Variants in RGS7 observed in about 807,000 individuals in gnomAD.
RGS7 encodes regulator of G-protein signaling 7.
RGS7 carries 27 observed loss-of-function variants against 81.1 expected under a neutral mutation model. The observed-to-expected ratio is 0.33, with a 90% CI of 0.25 to 0.46. The LOEUF is 0.46. Ranked by LOEUF, RGS7 falls within the 20% of genes least tolerant of loss-of-function variation. The probability of loss-of-function intolerance (pLI) is 1.00; values close to 1 mark genes in which losing one functional copy is unlikely to be tolerated. For synonymous variants in RGS7, 208 were observed against 207.7 expected (o/e 1.00, Z -0.01); for missense variants, 396 against 607.4 (o/e 0.65, Z 3.66).
intron 2 of RGS7, among the ~76,000 whole-genome samples, chr1:241,108,503 C>G (rs376331622): frequency 6.6e-6 from 1 of 152,088 alleles, no homozygotes; most frequent in Non-Finnish European, 1.5e-5. Context: ...GTAGAAAATA[C>G]CAACGATGCT....
chr1:240,977,091 T>TACACAC (rs60732630), intron 4 of RGS7, among the ~76,000 whole-genome samples: 1,433 of 133,788 alleles, frequency 0.011, 16 homozygotes, highest in African/African-American at 0.026. Context: ...TATCCATCTG[T>TACACAC]ACACACACAC....
At chr1:240,860,899 A>G (rs537226679) in intron 9 of RGS7, among the ~76,000 whole-genome samples, 1 of 152,306 alleles carries the variant, frequency 6.6e-6, no homozygotes, top group East Asian at 1.9e-4. Context: ...CATCACACTC[A>G]GCATGCCCTA....
chr1:241,275,224 C>T (rs2078129786), intron 2 of RGS7, among the ~76,000 whole-genome samples: 1 of 152,132 alleles, frequency 6.6e-6, no homozygotes, highest in Non-Finnish European at 1.5e-5. Flanking sequence ...GCCACAGCCA[C>T]ATATTAATAG....
At chr1:241,135,445 C>CAA (rs1420770573) in intron 2 of RGS7, among the ~76,000 whole-genome samples, 1 of 151,956 alleles carries the variant, frequency 6.6e-6, no homozygotes, top group South Asian at 2.1e-4. Flanking sequence ...CAACAAAAAA[C>CAA]AAAAAAAGCA....
intron 18 of RGS7, among the ~76,000 whole-genome samples, chr1:240,787,894 T>A (rs1424660566): frequency 6.6e-6 from 1 of 152,218 alleles, no homozygotes; most frequent in African/African-American, 2.4e-5. Flanking sequence ...TGACATTACA[T>A]GTTGCTCTGG....
intron 2 of RGS7, among the ~76,000 whole-genome samples, chr1:241,241,328 T>A (rs2076248567): frequency 6.6e-6 from 1 of 151,884 alleles, no homozygotes; most frequent in African/African-American, 2.4e-5. Flanking sequence ...GTAATTGTGG[T>A]TTTTGCAATG....
chr1:241,011,294 C>T (rs552466987), intron 3 of RGS7, among the ~76,000 whole-genome samples: 19 of 151,926 alleles, frequency 1.3e-4, no homozygotes, highest in African/African-American at 3.9e-4. Flanking sequence ...GAAGGACATA[C>T]GTGCCCCTTC....
At chr1:240,876,294 C>A (rs1452224347) in intron 6 of RGS7, among the ~76,000 whole-genome samples, 1 of 152,134 alleles carries the variant, frequency 6.6e-6, no homozygotes, top group East Asian at 1.9e-4. Flanking sequence ...GGCGCGGTCA[C>A]CCCTGGCTCC....
intron 9 of RGS7, among the ~76,000 whole-genome samples, chr1:240,849,681 C>T (rs1442697215): frequency 6.6e-6 from 1 of 152,090 alleles, no homozygotes; most frequent in Non-Finnish European, 1.5e-5. Context: ...TGCCTCCCCT[C>T]CTCTCTCTTG....
chr1:241,188,932 G>C (rs1361882210), intron 2 of RGS7, among the ~76,000 whole-genome samples: 3 of 152,128 alleles, frequency 2.0e-5, no homozygotes, highest in African/African-American at 7.2e-5. Flanking sequence ...CAATATACGA[G>C]TGCTCCAGTT....
intron 2 of RGS7, among the ~76,000 whole-genome samples, chr1:241,326,562 A>C (rs1010178409): frequency 1.2e-4 from 19 of 152,110 alleles, no homozygotes; most frequent in Admixed American, 1.1e-3. Flanking sequence ...CCTATGTTTT[A>C]TCTTTTAAAA....
intron 2 of RGS7, among the ~76,000 whole-genome samples, chr1:241,206,350 G>T (rs1380284271): frequency 6.6e-6 from 1 of 150,490 alleles, no homozygotes; most frequent in Non-Finnish European, 1.5e-5. Flanking sequence ...TCCGTCTCCT[G>T]AGTAGCTGGG....
intron 3 of RGS7, among the ~76,000 whole-genome samples, chr1:241,008,956 C>T (rs577417518): frequency 6.8e-6 from 1 of 147,848 alleles, no homozygotes; most frequent in African/African-American, 2.5e-5. Flanking sequence ...TTATGACATT[C>T]AGTCATAAGA....
rs549147992 is a variant in RGS7, at chr1:241,063,201, G to A, written c.175+35465C>T. Among the ~76,000 whole-genome samples, 3 of 152,294 alleles carry A rather than the reference G, an allele frequency of 2.0e-5. No individual in the cohort carries two copies. In the South Asian group the frequency reaches 6.2e-4, roughly 32 times the overall value. Reference sequence around the variant, plus strand: ...GATTATCCCAACTTTTATAATGACAGTAGTTACCACTGGGATGCAAAAGAA... The same window carrying A: ...GATTATCCCAACTTTTATAATGACAATAGTTACCACTGGGATGCAAAAGAA... On this transcript the variant is annotated intron_variant, in intron 3 of 18. Transcript: ENST00000440928.
intron 3 of RGS7, among the ~76,000 whole-genome samples, chr1:241,016,221 T>C (rs1000821778): frequency 5.9e-5 from 9 of 152,032 alleles, no homozygotes; most frequent in African/African-American, 2.2e-4. Context: ...TAGAAAAAAT[T>C]TTACATAAAA....
At chr1:241,071,776 A>G (rs1396402912) in intron 3 of RGS7, among the ~76,000 whole-genome samples, 1 of 148,028 alleles carries the variant, frequency 6.8e-6, no homozygotes, top group South Asian at 2.2e-4. Flanking sequence ...TGGGAGGCTG[A>G]GATGGGAGGA....
chr1:240,874,815 C>T lies in RGS7; in HGVS notation c.386-4696G>A, dbSNP rs564495704. Among the ~76,000 whole-genome samples, 33 of 152,132 alleles carry T rather than the reference C, an allele frequency of 2.2e-4. No homozygotes were observed. In the South Asian group the frequency reaches 6.7e-3, roughly 31 times the overall value. On this transcript the variant is annotated intron_variant, in intron 6 of 18. Coordinates refer to ENST00000440928, the MANE Select transcript of RGS7 (RefSeq NM_001364886.1). ...CAGCAGTTTGGGAGGCTGAGGTGGGCAGATCACTTGAGCTCAGGAGCTCGA... is the reference window on the plus strand; with the variant it reads ...CAGCAGTTTGGGAGGCTGAGGTGGGTAGATCACTTGAGCTCAGGAGCTCGA...
chr1:241,059,213 T>C (rs2061624818), intron 3 of RGS7, among the ~76,000 whole-genome samples: 1 of 152,176 alleles, frequency 6.6e-6, no homozygotes, highest in Non-Finnish European at 1.5e-5. Flanking sequence ...CAAGGGTCTG[T>C]CACTGGTCCT....
At chr1:241,005,051 T>C (rs973253622) in intron 3 of RGS7, among the ~76,000 whole-genome samples, 1 of 152,044 alleles carries the variant, frequency 6.6e-6, no homozygotes, top group Non-Finnish European at 1.5e-5. Flanking sequence ...CAGGCTCACA[T>C]ACATGAGGTG....
Sources: allele counts gnomAD v4.1 joint callset (sites outside exome capture counted in the v4.1 genomes callset), GRCh38; gene constraint gnomAD v4.1.1; transcripts MANE v1.5; gene names NCBI Gene and HGNC (gene_info 2026-07-23, HGNC 2026-07-21).